EMCN: variants seen among roughly 807,000 people sequenced by gnomAD.
The protein encoded by EMCN is MUC-14.
A neutral mutation model predicts 38.4 loss-of-function variants in EMCN; 37 were observed. The observed-to-expected ratio is 0.96, with a 90% CI of 0.74 to 1.27. The LOEUF (loss-of-function observed/expected upper bound fraction) is 1.27. EMCN is among the 50% of genes most tolerant of loss of function. EMCN has a pLI of 0.00. For missense variants in EMCN, 318 were observed against 302.8 expected, an observed-to-expected ratio of 1.05 and a Z score of -0.37; for synonymous variants, 95 against 100.8, an observed-to-expected ratio of 0.94 and a Z score of 0.35.
chr4:100,417,194 A>G, intron 8 of EMCN, 53 bp from the exon 9 acceptor site: 1 of 1,574,642 alleles, frequency 6.4e-7, no homozygotes, highest in Non-Finnish European at 8.7e-7. Context: ...GCTACCATAA[A>G]TATGAGCAAG....
At chr4:100,431,756 CTCTCTCACTT>C in intron 5 of EMCN, among the ~76,000 whole-genome samples, 1 of 55,794 alleles carries the variant, frequency 1.8e-5, no homozygotes, top group Non-Finnish European at 3.4e-5. Context: ...TCTGCTCTCT[CTCTCTCACTT>C]GCTCTCTCTC....
intron 5 of EMCN, among the ~76,000 whole-genome samples, chr4:100,439,532 C>A (rs1248860802): frequency 6.6e-6 from 1 of 150,638 alleles, no homozygotes; most frequent in Non-Finnish European, 1.5e-5. Flanking sequence ...CCCTTTTTTT[C>A]ATTTAGACCA....
At chr4:100,414,798 C>A (rs1226857165) in intron 10 of EMCN, among the ~76,000 whole-genome samples, 1 of 152,094 alleles carries the variant, frequency 6.6e-6, no homozygotes, top group African/African-American at 2.4e-5. Context: ...TTATTTTCAG[C>A]CACCAGAAAT....
intron 4 of EMCN, among the ~76,000 whole-genome samples, chr4:100,463,213 A>T (rs1483601662): frequency 6.6e-6 from 1 of 152,098 alleles, no homozygotes; most frequent in Non-Finnish European, 1.5e-5. Flanking sequence ...GCCTCGCACA[A>T]ACATTTTAAT....
At chr4:100,457,630 G>A (rs769215313) in intron 4 of EMCN, among the ~76,000 whole-genome samples, 6 of 152,018 alleles carry the variant, frequency 3.9e-5, no homozygotes, top group South Asian at 2.1e-4. Flanking sequence ...GAACCATCTC[G>A]CATTCCACAA....
intron 3 of EMCN, among the ~76,000 whole-genome samples, chr4:100,471,264 T>C (rs1728469433): frequency 6.6e-6 from 1 of 151,894 alleles, no homozygotes; most frequent in South Asian, 2.1e-4. Context: ...AGAGGATTCA[T>C]TATTACCAAC....
chr4:100,472,152 TA>T (rs1728495694), intron 3 of EMCN, among the ~76,000 whole-genome samples: 1 of 151,884 alleles, frequency 6.6e-6, no homozygotes, highest in Non-Finnish European at 1.5e-5. Context: ...AAGAAGGAAG[TA>T]AAACTATCTA....
chr4:100,504,639 T>G (rs1729432333), intron 1 of EMCN, among the ~76,000 whole-genome samples: 1 of 152,210 alleles, frequency 6.6e-6, no homozygotes, highest in South Asian at 2.1e-4. Context: ...CCTTCTGTTA[T>G]GCCCGGACAG....
chr4:100,447,480 T>G, intron 5 of EMCN, 53 bp downstream of exon 5: 25 of 1,318,002 alleles, frequency 1.9e-5, no homozygotes, highest in Non-Finnish European at 2.7e-5. Context: ...GTTTTATTCT[T>G]GAGATTTTAC....
intron 4 of EMCN, among the ~76,000 whole-genome samples, chr4:100,458,818 C>T (rs1475777306): frequency 1.3e-5 from 2 of 152,146 alleles, no homozygotes; most frequent in Non-Finnish European, 2.9e-5. Flanking sequence ...TTATTCAGTA[C>T]TAGACAAAAA....
intron 4 of EMCN, among the ~76,000 whole-genome samples, chr4:100,451,540 T>C (rs1392015460): frequency 6.6e-6 from 1 of 152,000 alleles, no homozygotes; most frequent in Non-Finnish European, 1.5e-5. Flanking sequence ...CATATATTTA[T>C]TGAACACCTA....
At chr4:100,433,476 T>G (rs1727258912) in intron 5 of EMCN, among the ~76,000 whole-genome samples, 1 of 152,190 alleles carries the variant, frequency 6.6e-6, no homozygotes, top group South Asian at 2.1e-4. Context: ...AGGGATTGAT[T>G]GATGGATCAC....
chr4:100,417,200 G>A (rs923651147), intron 8 of EMCN, 59 bp from the exon 9 acceptor site: 4 of 1,527,640 alleles, frequency 2.6e-6, no homozygotes, highest in Non-Finnish European at 2.7e-6. Context: ...ATAAATATGA[G>A]CAAGCCCCTC....
intron 4 of EMCN, among the ~76,000 whole-genome samples, chr4:100,454,810 C>T (rs184798804): frequency 2.6e-5 from 4 of 152,176 alleles, no homozygotes; most frequent in African/African-American, 4.8e-5. Context: ...TCTTTATCCC[C>T]GATAAAACTC....
rs776187778 is a variant in EMCN at position 100,423,350 on chromosome 4, A to G, written c.470T>C (p.Ile157Thr). The G allele has an allele frequency of 3.7e-6, 6 of 1,613,084 alleles. No individual in the cohort carries two copies. Among genetic ancestry groups the G allele is most frequent in the Non-Finnish European group, 5.1e-6 (6 of 1,179,382 alleles). Residue 157 changes from isoleucine to threonine, a missense_variant, in exon 6 of 12, where the codon ATA becomes ACA. Transcript: ENST00000296420. ...SPSKTGTLTS[I>T]PVTIPENTSQ... Reference sequence around the variant, plus strand: ...GGTGTTTTCTGGAATTGTAACTGGTATTGAGGTTAATGTACCAGTTTTAGA... The same window carrying G: ...GGTGTTTTCTGGAATTGTAACTGGTGTTGAGGTTAATGTACCAGTTTTAGA...
At chr4:100,409,215 ATTTAT>A (rs3836625) in intron 11 of EMCN, among the ~76,000 whole-genome samples, 1 of 151,634 alleles carries the variant, frequency 6.6e-6, no homozygotes, top group African/African-American at 2.4e-5. Flanking sequence ...CTGGACACGT[ATTTAT>A]TTTATTTTAT....
At chr4:100,452,496 A>G (rs1180817708) in intron 4 of EMCN, among the ~76,000 whole-genome samples, 2 of 151,972 alleles carry the variant, frequency 1.3e-5, no homozygotes, top group Non-Finnish European at 2.9e-5. Flanking sequence ...CGCACATCCC[A>G]ATTTATCATC....
chr4:100,513,164 A>G (rs1184865462), intron 1 of EMCN, among the ~76,000 whole-genome samples: 1 of 152,168 alleles, frequency 6.6e-6, no homozygotes, highest in Admixed American at 6.5e-5. Context: ...TTCTAGAATG[A>G]TCACTTCTAC....
chr4:100,456,137 C>T lies in EMCN; in HGVS notation c.377-8566G>A, dbSNP rs544283999. ...TGTTTTCGGTCCATCCTTCTCACAT[C>T]TTCTTCTGAAATTGTATGTATCTTA... On this transcript the variant is annotated intron_variant, in intron 4 of 11. Coordinates refer to ENST00000296420, the MANE Select transcript of EMCN (RefSeq NM_016242.4). Among the ~76,000 whole-genome samples the T allele has an allele frequency of 7.2e-5, 11 of 152,246 alleles. No homozygotes were observed. In the South Asian group the frequency reaches 2.3e-3, roughly 32 times the overall value.
Sources: allele counts gnomAD v4.1 joint callset (sites outside exome capture counted in the v4.1 genomes callset), GRCh38; gene constraint gnomAD v4.1.1; transcripts MANE v1.5; gene names NCBI Gene and HGNC (gene_info 2026-07-23, HGNC 2026-07-21).